Variants in TXNRD2 observed in about 807,000 individuals in gnomAD.
TXNRD2 encodes the protein thioredoxin reductase 2, also known as thioredoxin reductase 2, mitochondrial.
In TXNRD2, 67 loss-of-function variants were observed where a neutral mutation model predicts 70.8. That is an observed-to-expected ratio of 0.95 (90% confidence interval 0.78 to 1.16). TXNRD2 has a LOEUF of 1.16. Among genes scored for constraint, TXNRD2 ranks in the 50% most tolerant of loss-of-function variants. The probability of loss-of-function intolerance (pLI) is 0.00; values close to 1 mark genes in which losing one functional copy is unlikely to be tolerated. For synonymous variants in TXNRD2, 301 were observed against 295.8 expected (o/e 1.02, Z -0.18); for missense variants, 644 against 719.9 (o/e 0.89, Z 1.21).
intron 8 of TXNRD2, among the ~76,000 whole-genome samples, chr22:19,900,839 G>A (rs992459196): frequency 2.6e-5 from 4 of 152,248 alleles, no homozygotes; most frequent in African/African-American, 9.6e-5. Flanking sequence ...ATGCAAGGGT[G>A]TAACTGGGCG....
intron 9 of TXNRD2, among the ~76,000 whole-genome samples, chr22:19,898,641 A>G: frequency 6.6e-6 from 1 of 150,848 alleles, no homozygotes; most frequent in Admixed American, 6.7e-5. Flanking sequence ...CAGCCTCCCA[A>G]GTAGCTGGGA....
chr22:19,889,338 T>C (rs11089317), intron 11 of TXNRD2, among the ~76,000 whole-genome samples: 44,022 of 152,098 alleles, frequency 0.29, 7,943 homozygotes, highest in African/African-American at 0.51. Context: ...TTAGACCGGG[T>C]GCAGTGGCTC....
chr22:19,915,884 A>T, intron 5 of TXNRD2, 41 bp from the exon 6 acceptor site: 1 of 1,570,228 alleles, frequency 6.4e-7, no homozygotes, highest in Non-Finnish European at 8.8e-7. Flanking sequence ...TTCCTCTGCA[A>T]ATTAAACCTC....
At chr22:19,912,371 C>G (rs751637230) in intron 7 of TXNRD2, among the ~76,000 whole-genome samples, 11 of 152,232 alleles carry the variant, frequency 7.2e-5, no homozygotes, top group Admixed American at 5.9e-4. Flanking sequence ...GCAGGGAGAG[C>G]GAAGCAGCCC....
intron 12 of TXNRD2, among the ~76,000 whole-genome samples, chr22:19,882,774 A>G (rs1938839129): frequency 6.6e-6 from 1 of 152,184 alleles, no homozygotes; most frequent in Non-Finnish European, 1.5e-5. Flanking sequence ...ATGTGTAAGG[A>G]GGGCTCCAGA....
rs1369899103 is a variant in TXNRD2, at chr22:19,880,758, G to A, written c.1087-41C>T. 14 of 1,450,886 alleles carry A rather than the reference G, an allele frequency of 9.6e-6. No individual in the cohort carries two copies. The East Asian group carries it at 1.1e-4, about 12-fold the overall frequency. 89.9% of individuals were successfully genotyped at this position (1,450,886 alleles called of 1,614,324 possible). On this transcript the variant is annotated intron_variant, in intron 12 of 17. Transcript: ENST00000400521. ...GGGGGGCCACGTCAGCACCATGTCC[G>A]GGGTTATATGCAGCCCCTATGCCAT...
intron 1 of TXNRD2, among the ~76,000 whole-genome samples, chr22:19,941,283 G>A (rs4646310): frequency 0.14 from 21,971 of 152,190 alleles, 1,906 homozygotes; most frequent in Non-Finnish European, 0.19. Flanking sequence ...AGGAGGACGA[G>A]TGTGTATCCT....
chr22:19,881,334 C>G (rs1268824411), intron 12 of TXNRD2: 3 of 362,878 alleles, frequency 8.3e-6, no homozygotes, highest in Non-Finnish European at 1.5e-5. Context: ...CATAGAGATC[C>G]GTGGAGATAA....
chr22:19,882,023 TTAGGGTGGACCCTAAGTCCAA>T (rs564616306), intron 12 of TXNRD2, among the ~76,000 whole-genome samples: 97 of 152,310 alleles, frequency 6.4e-4, no homozygotes, highest in African/African-American at 2.1e-3. Context: ...TCATCCTGGA[TTAGGGTGGACCCTAAGTCCAA>T]TTGCAGAGAA....
chr22:19,909,161 G>C (rs965319830), intron 8 of TXNRD2, among the ~76,000 whole-genome samples: 1 of 146,546 alleles, frequency 6.8e-6, no homozygotes, highest in Non-Finnish European at 1.5e-5. Flanking sequence ...AGCCGAGATC[G>C]CACCACTGCA....
At position 19,878,382 on chromosome 22, in the gene TXNRD2, G is replaced by C. The variant is rs749643976; in HGVS notation, c.1331C>G (p.Ser444Cys). 1.4e-5 allele frequency: 23 copies of C among 1,613,836 alleles called. No individual in the cohort carries two copies. The highest frequency in any genetic ancestry group is 3.3e-4 in the Middle Eastern group (2 of 6,062). The change falls in exon 15 of 18, where the codon TCC becomes TGC. Residue 444 changes from serine to cysteine, a missense_variant. This residue lies in a region of TXNRD2 where 566 missense variants were observed against 645.0 expected (regional missense o/e 0.88). Coordinates refer to ENST00000400521, the MANE Select transcript of TXNRD2 (RefSeq NM_006440.5). ...GATGCTCACCTTTACATAACACTGG[G>C]ATGCATCTCGTCCAGCCACCGTGAA... ...LEFTVAGRDA[S>C]QCYVKMVCLR...
intron 8 of TXNRD2, 90 bp downstream of exon 8, chr22:19,911,287 C>CAG (rs1940396875): frequency 9.2e-7 from 1 of 1,082,878 alleles, no homozygotes; most frequent in South Asian, 1.3e-5. Flanking sequence ...AAGAAAGCCC[C>CAG]AGGAGCCCAG....
Position 19,877,206 on chromosome 22 carries a change from G to C in TXNRD2, c.1474C>G (p.Arg492Gly), listed in dbSNP as rs146133764. Residue 492 changes from arginine to glycine, a missense_variant, in exon 17 of 18, where the codon CGG (arginine) becomes GGG (glycine). By Grantham distance (125) the Arg-to-Gly change is moderately radical. This residue lies in a region of TXNRD2 where 566 missense variants were observed against 645.0 expected (regional missense o/e 0.88). Transcript: ENST00000400521. ...CATGTGGGATGGATACCCACGGTCC[G>C]CATCACCTGCGCATAGGAAGCCCCA... ...KCGASYAQVM[R>G]TVGIHPTCSE... 6.2e-7 allele frequency: 1 copy of C among 1,611,202 alleles called. No individual in the cohort carries two copies. Among genetic ancestry groups the C allele is most frequent in the Non-Finnish European group, 8.5e-7 (1 of 1,178,464 alleles).
chr22:19,881,403 G>GGGC (rs1938772356), intron 12 of TXNRD2: 1 of 160,164 alleles, frequency 6.2e-6, no homozygotes, highest in South Asian at 2.6e-4. Context: ...ACATCCCGGC[G>GGGC]GGCGGCGCAC....
chr22:19,878,056 C>A lies in TXNRD2; in HGVS notation c.1445+34G>T. 1.9e-5 allele frequency: 29 copies of A among 1,565,630 alleles called. 1 individual carries two copies. The highest frequency in any genetic ancestry group is 2.5e-5 in the Non-Finnish European group (29 of 1,138,948). Reference sequence around the variant, plus strand: ...GGCACTCGAGGGATACCCAGCTGCACATCGCATCGCAGCCTGCATTCCTCG... The same window carrying A: ...GGCACTCGAGGGATACCCAGCTGCAAATCGCATCGCAGCCTGCATTCCTCG... On this transcript the variant is annotated intron_variant, in intron 16 of 17. Transcript: ENST00000400521.
intron 2 of TXNRD2, among the ~76,000 whole-genome samples, chr22:19,925,147 G>GT (rs1569108202): frequency 1.3e-5 from 2 of 151,812 alleles, no homozygotes; most frequent in African/African-American, 4.9e-5. Flanking sequence ...AGACGGGCAT[G>GT]GTGGCATGCG....
chr22:19,911,552 G>C, intron 7 of TXNRD2, 105 bp from the exon 8 acceptor site: 1 of 858,858 alleles, frequency 1.2e-6, no homozygotes, highest in Non-Finnish European at 2.0e-6. Flanking sequence ...AGCTTTCCCA[G>C]GGCACACATG....
chr22:19,913,412 T>TG (rs1366792500), intron 7 of TXNRD2, among the ~76,000 whole-genome samples: 1 of 151,884 alleles, frequency 6.6e-6, no homozygotes, highest in Non-Finnish European at 1.5e-5. Context: ...AGAACTCAGC[T>TG]GGGGTCTTTC....
At chr22:19,892,766 C>T (rs1273285775) in intron 11 of TXNRD2, among the ~76,000 whole-genome samples, 1 of 152,146 alleles carries the variant, frequency 6.6e-6, no homozygotes, top group East Asian at 1.9e-4. Flanking sequence ...GCCACCTCCC[C>T]TTTAGAGTGG....
Sources: gnomAD v4.1 joint callset for allele counts (sites outside exome capture counted in the v4.1 genomes callset) on GRCh38, gnomAD v4.1.1 for gene constraint, gnomAD v4.1.1 regional missense constraint, MANE v1.5 for transcripts, NCBI Gene and HGNC (gene_info 2026-07-23, HGNC 2026-07-21) for gene names.